NKAIN2: variants seen among roughly 807,000 people sequenced by gnomAD.
The protein encoded by NKAIN2 is sodium/potassium-transporting ATPase subunit beta-1-interacting protein 2.
In NKAIN2, 14 loss-of-function variants were observed where a neutral mutation model predicts 32.6. The observed-to-expected ratio is 0.43, with a 90% CI of 0.28 to 0.67. The LOEUF (loss-of-function observed/expected upper bound fraction) is 0.67. Ranked by LOEUF, NKAIN2 falls within the 30% of genes least tolerant of loss-of-function variation. The pLI is 0.17. For missense variants in NKAIN2, 198 were observed against 258.3 expected (o/e 0.77, Z 1.60); for synonymous variants, 80 against 87.2 (o/e 0.92, Z 0.46).
chr6:123,981,132 G>T (rs1034314396), intron 1 of NKAIN2, among the ~76,000 whole-genome samples: 2 of 152,176 alleles, frequency 1.3e-5, no homozygotes, highest in African/African-American at 2.4e-5. Context: ...CTCTCAAAAT[G>T]CTGGGATTGC....
intron 3 of NKAIN2, among the ~76,000 whole-genome samples, chr6:124,518,312 G>C (rs1444496088): frequency 6.8e-6 from 1 of 147,754 alleles, no homozygotes; most frequent in African/African-American, 2.5e-5. Flanking sequence ...AAAAAAGATA[G>C]AAAAGGAAAG....
chr6:124,666,538 A>G (rs1036363378), intron 4 of NKAIN2, among the ~76,000 whole-genome samples: 1 of 152,224 alleles, frequency 6.6e-6, no homozygotes, highest in African/African-American at 2.4e-5. Flanking sequence ...AAATAATAAT[A>G]AATTCATGTG....
At chr6:123,851,235 G>A (rs922796659) in intron 1 of NKAIN2, among the ~76,000 whole-genome samples, 6 of 145,354 alleles carry the variant, frequency 4.1e-5, no homozygotes, top group Non-Finnish European at 8.9e-5. Context: ...TGGATCATAT[G>A]GTGGTTCTAT....
At chr6:124,707,766 A>G (rs1775178292) in intron 4 of NKAIN2, among the ~76,000 whole-genome samples, 1 of 151,830 alleles carries the variant, frequency 6.6e-6, no homozygotes, top group East Asian at 1.9e-4. Context: ...AGTAGGTTGC[A>G]AAAATTTTCT....
At chr6:123,948,790 C>T (rs974994819) in intron 1 of NKAIN2, among the ~76,000 whole-genome samples, 1 of 151,496 alleles carries the variant, frequency 6.6e-6, no homozygotes, top group Non-Finnish European at 1.5e-5. Context: ...ACTATTTTTG[C>T]TTCTGTTGCC....
chr6:124,597,942 C>G (rs990451993), intron 3 of NKAIN2, among the ~76,000 whole-genome samples: 4 of 152,176 alleles, frequency 2.6e-5, no homozygotes, highest in African/African-American at 9.6e-5. Context: ...AGCAGAACAT[C>G]TAAGTCTTAC....
intron 1 of NKAIN2, among the ~76,000 whole-genome samples, chr6:124,034,530 C>T (rs899773236): frequency 6.6e-6 from 1 of 152,040 alleles, no homozygotes; most frequent in Non-Finnish European, 1.5e-5. Flanking sequence ...TTAATGGGCA[C>T]ATAGGTTGAT....
intron 2 of NKAIN2, among the ~76,000 whole-genome samples, chr6:124,293,748 G>T (rs894277536): frequency 6.6e-6 from 1 of 151,840 alleles, no homozygotes; most frequent in Non-Finnish European, 1.5e-5. Flanking sequence ...TTACTGGGTT[G>T]GTCTTTTTTC....
At chr6:124,798,975 G>A (rs1780134321) in intron 5 of NKAIN2, among the ~76,000 whole-genome samples, 1 of 152,086 alleles carries the variant, frequency 6.6e-6, no homozygotes, top group Admixed American at 6.5e-5. Context: ...TGAATCAATT[G>A]GATCTCCACA....
At position 124,791,362 on chromosome 6, in the gene NKAIN2, T is replaced by C; in HGVS notation, c.498T>C (p.Cys166=). 3 of 1,610,206 alleles carry C rather than the reference T, an allele frequency of 1.9e-6. No homozygotes were observed. The highest frequency in any genetic ancestry group is 2.5e-6 in the Non-Finnish European group (3 of 1,177,208). Residue 166 remains cysteine (C), a synonymous_variant, in exon 5 of 7, where the codon TGT becomes TGC. Transcript: ENST00000368417. ...VLALAGFIYA[C]YVVKCITEEE... ...AGCTGGCAGGTTTCATCTACGCCTG[T>C]TATGTTGTGAAATGTATAACTGAAG...
chr6:124,701,153 G>GCACACACACACACA (rs60670238), intron 4 of NKAIN2, among the ~76,000 whole-genome samples: 5 of 132,030 alleles, frequency 3.8e-5, no homozygotes, highest in African/African-American at 1.3e-4. Context: ...ACACACACAC[G>GCACACACACACACA]CACACACACA....
chr6:123,814,264 C>T (rs964899927), intron 1 of NKAIN2, among the ~76,000 whole-genome samples: 3 of 152,068 alleles, frequency 2.0e-5, no homozygotes, highest in South Asian at 2.1e-4. Flanking sequence ...ATCAAATTAA[C>T]GAATGAATTC....
intron 1 of NKAIN2, among the ~76,000 whole-genome samples, chr6:124,160,757 A>G (rs1349388666): frequency 6.6e-6 from 1 of 152,164 alleles, no homozygotes; most frequent in Non-Finnish European, 1.5e-5. Context: ...ATATGCATGT[A>G]TTAAAAATGT....
At chr6:123,878,431 C>A (rs1405495626) in intron 1 of NKAIN2, among the ~76,000 whole-genome samples, 2 of 152,160 alleles carry the variant, frequency 1.3e-5, no homozygotes, top group African/African-American at 2.4e-5. Flanking sequence ...GTTGTCAAGA[C>A]CTGTCATTGT....
At chr6:124,262,170 C>T (rs1042741368) in intron 1 of NKAIN2, among the ~76,000 whole-genome samples, 5 of 152,082 alleles carry the variant, frequency 3.3e-5, no homozygotes, top group African/African-American at 1.2e-4. Flanking sequence ...ACTTAGGCGA[C>T]TTTCTTATGG....
intron 3 of NKAIN2, among the ~76,000 whole-genome samples, chr6:124,626,065 G>T (rs1384044192): frequency 6.7e-6 from 1 of 148,742 alleles, no homozygotes; most frequent in Non-Finnish European, 1.5e-5. Context: ...TTAGCATTAG[G>T]TATATCTCCT....
chr6:123,805,982 C>T (rs927423651), intron 1 of NKAIN2, among the ~76,000 whole-genome samples: 1 of 152,096 alleles, frequency 6.6e-6, no homozygotes, highest in Admixed American at 6.5e-5. Flanking sequence ...ATACAAACTC[C>T]TCAAGAACTT....
At chr6:124,077,357 A>G (rs1450577023) in intron 1 of NKAIN2, among the ~76,000 whole-genome samples, 1 of 152,084 alleles carries the variant, frequency 6.6e-6, no homozygotes, top group Non-Finnish European at 1.5e-5. Context: ...CACTCTTCTA[A>G]TAATTTGCTC....
chr6:123,903,921 T>C (rs1774727638), intron 1 of NKAIN2, among the ~76,000 whole-genome samples: 1 of 152,016 alleles, frequency 6.6e-6, no homozygotes, highest in Non-Finnish European at 1.5e-5. Context: ...ATTTTTTTTT[T>C]TTCTAAAGAA....
Sources: allele counts gnomAD v4.1 joint callset (sites outside exome capture counted in the v4.1 genomes callset), GRCh38; gene constraint gnomAD v4.1.1; transcripts MANE v1.5; gene names NCBI Gene and HGNC (gene_info 2026-07-23, HGNC 2026-07-21).